TCF4: variants seen among roughly 807,000 people sequenced by gnomAD.
TCF4 encodes transcription factor 4, also known as SL3-3 enhancer factor 2.
TCF4 carries 3 observed loss-of-function variants against 82.1 expected under a neutral mutation model. That is an observed-to-expected ratio of 0.04 (90% CI 0.02 to 0.09). The LOEUF is 0.09. TCF4 is among the 10% of genes least tolerant of loss of function. TCF4 has a pLI of 1.00. For missense variants in TCF4, 518 were observed against 852.7 expected, an observed-to-expected ratio of 0.61 and a Z score of 4.89; for synonymous variants, 276 against 309.6, an observed-to-expected ratio of 0.89 and a Z score of 1.14.
intron 3 of TCF4, among the ~76,000 whole-genome samples, chr18:55,559,142 C>A (rs1343868668): frequency 6.7e-6 from 1 of 149,330 alleles, no homozygotes; most frequent in Non-Finnish European, 1.5e-5. Flanking sequence ...AGAACACGTT[C>A]CCCAAAGCAA....
chr18:55,446,212 G>A (rs971630905), intron 5 of TCF4, among the ~76,000 whole-genome samples: 7 of 152,106 alleles, frequency 4.6e-5, no homozygotes, highest in Non-Finnish European at 2.9e-5. Context: ...AAGAGGAGAG[G>A]AAAAAGCTGA....
At chr18:55,429,200 C>G (rs1317870931) in intron 5 of TCF4, among the ~76,000 whole-genome samples, 1 of 152,178 alleles carries the variant, frequency 6.6e-6, no homozygotes, top group Non-Finnish European at 1.5e-5. Context: ...AAAACCTCAC[C>G]TAGTAGTTGA....
chr18:55,408,929 T>C lies in TCF4; in HGVS notation c.305-5411A>G, dbSNP rs183202882. 2.4e-3 allele frequency among the ~76,000 whole-genome samples: 360 copies of C among 152,312 alleles called. 1 individual carries two copies. Among genetic ancestry groups the C allele is most frequent in the Admixed American group, 5.2e-3 (79 of 15,300 alleles). ...ATATGAAATTAATGAAAGTGTCTTA[T>C]AGGCAATGATAATTTACATTTACAT... On this transcript the variant is annotated intron_variant, in intron 5 of 19. Transcript: ENST00000354452.
chr18:55,500,638 C>T (rs935588248), intron 3 of TCF4, among the ~76,000 whole-genome samples: 8 of 152,132 alleles, frequency 5.3e-5, no homozygotes, highest in Admixed American at 1.3e-4. Context: ...TTTTTAAGCG[C>T]TATCAGCCTC....
intron 5 of TCF4, among the ~76,000 whole-genome samples, chr18:55,437,801 T>G (rs779392051): frequency 6.6e-6 from 1 of 152,192 alleles, no homozygotes; most frequent in Non-Finnish European, 1.5e-5. Flanking sequence ...TTATTTCTCA[T>G]GGGGTTCAGG....
chr18:55,631,761 G>A (rs1170749497), intron 1 of TCF4, among the ~76,000 whole-genome samples: 2 of 152,164 alleles, frequency 1.3e-5, no homozygotes, highest in African/African-American at 4.8e-5. Context: ...CATCCTGGTA[G>A]CAGCAGTTAT....
intron 15 of TCF4, among the ~76,000 whole-genome samples, chr18:55,253,191 A>C (rs912791740): frequency 5.3e-5 from 8 of 152,320 alleles, no homozygotes; most frequent in African/African-American, 1.9e-4. Flanking sequence ...TGGTACTCTT[A>C]ATCTTAGACT....
chr18:55,487,046 G>T (rs1174840785), intron 3 of TCF4, among the ~76,000 whole-genome samples: 1 of 152,106 alleles, frequency 6.6e-6, no homozygotes, highest in African/African-American at 2.4e-5. Context: ...CTATTGCTTT[G>T]GGTATAAACT....
At chr18:55,625,252 T>C (rs2097725379) in intron 2 of TCF4, among the ~76,000 whole-genome samples, 1 of 151,992 alleles carries the variant, frequency 6.6e-6, no homozygotes, top group Non-Finnish European at 1.5e-5. Flanking sequence ...TTTTTTTTTT[T>C]TTTTGAGATG....
intron 2 of TCF4, among the ~76,000 whole-genome samples, chr18:55,622,150 TACACAC>T (rs10654991): frequency 5.0e-5 from 7 of 139,516 alleles, no homozygotes; most frequent in Non-Finnish European, 9.1e-5. Flanking sequence ...CCTTCAAGAT[TACACAC>T]ACACACACAC....
chr18:55,253,406 A>C (rs891948928), intron 15 of TCF4, among the ~76,000 whole-genome samples: 1 of 152,188 alleles, frequency 6.6e-6, no homozygotes, highest in African/African-American at 2.4e-5. Flanking sequence ...TAAGGTGCTT[A>C]GAGACGAGGT....
chr18:55,460,968 A>T (rs2095858774), intron 5 of TCF4, 51 bp downstream of exon 5: 2 of 1,495,112 alleles, frequency 1.3e-6, no homozygotes, highest in Non-Finnish European at 9.3e-7. Context: ...TACCTTCTAT[A>T]GTAAAACTTG....
intron 8 of TCF4, among the ~76,000 whole-genome samples, chr18:55,315,738 C>A (rs1009044880): frequency 6.6e-6 from 1 of 152,118 alleles, no homozygotes; most frequent in African/African-American, 2.4e-5. Flanking sequence ...AAGCCTACAA[C>A]TATGGACATT....
At chr18:55,317,020 T>C (rs139116715) in intron 8 of TCF4, among the ~76,000 whole-genome samples, 179 of 152,102 alleles carry the variant, frequency 1.2e-3, no homozygotes, top group African/African-American at 4.2e-3. Context: ...ATTTTGAAAA[T>C]TTAATCAGAG....
chr18:55,618,126 T>A (rs763242941), intron 2 of TCF4, among the ~76,000 whole-genome samples: 60 of 152,294 alleles, frequency 3.9e-4, no homozygotes, highest in Middle Eastern at 6.8e-3. Context: ...ATTCCTTCTA[T>A]ACTTAGCTTT....
At chr18:55,525,377 A>C (rs2096972042) in intron 3 of TCF4, among the ~76,000 whole-genome samples, 1 of 152,152 alleles carries the variant, frequency 6.6e-6, no homozygotes, top group African/African-American at 2.4e-5. Flanking sequence ...CACACTCTAA[A>C]TCAAAGACCA....
At chr18:55,373,756 T>C (rs1367136278) in intron 6 of TCF4, among the ~76,000 whole-genome samples, 1 of 152,122 alleles carries the variant, frequency 6.6e-6, no homozygotes, top group Admixed American at 6.6e-5. Flanking sequence ...GAGGTTGCAC[T>C]GAGCTGAGAT....
At chr18:55,245,988 T>C (rs2053020042) in intron 15 of TCF4, among the ~76,000 whole-genome samples, 1 of 152,210 alleles carries the variant, frequency 6.6e-6, no homozygotes, top group Non-Finnish European at 1.5e-5. Flanking sequence ...CAATATATAC[T>C]TTTCCCTCCA....
upstream of TCF4, chr18:55,589,735 C>G (rs2097680259): frequency 9.8e-7 from 1 of 1,022,690 alleles, no homozygotes. Flanking sequence ...CCCGTGGAGT[C>G]ACATTGATAA....
Sources: allele counts gnomAD v4.1 joint callset (sites outside exome capture counted in the v4.1 genomes callset), GRCh38; gene constraint gnomAD v4.1.1; transcripts MANE v1.5; gene names NCBI Gene and HGNC (gene_info 2026-07-23, HGNC 2026-07-21).